TNFSF13B: variants seen among roughly 807,000 people sequenced by gnomAD.
The protein encoded by TNFSF13B is tumor necrosis factor ligand superfamily member 13B.
In TNFSF13B, 8 loss-of-function variants were observed where a neutral mutation model predicts 29.1. The ratio of observed to expected loss-of-function variants is 0.27; its 90% CI spans 0.16 to 0.50. The LOEUF is 0.50. TNFSF13B is among the 20% of genes least tolerant of loss of function. The probability of loss-of-function intolerance (pLI) is 0.98; values close to 1 mark genes in which losing one functional copy is unlikely to be tolerated. For missense variants in TNFSF13B, 248 were observed against 334.9 expected (o/e 0.74, Z 2.03); for synonymous variants, 125 against 130.8 (o/e 0.96, Z 0.30).
chr13:108,291,368 A>G (rs1435777039), intron 3 of TNFSF13B, among the ~76,000 whole-genome samples: 1 of 151,838 alleles, frequency 6.6e-6, no homozygotes, highest in Non-Finnish European at 1.5e-5. Flanking sequence ...AGAACATGAT[A>G]TATATTTATA....
intron 3 of TNFSF13B, among the ~76,000 whole-genome samples, chr13:108,288,689 C>T (rs1359337273): frequency 6.6e-6 from 1 of 152,170 alleles, no homozygotes; most frequent in Non-Finnish European, 1.5e-5. Flanking sequence ...GAGCTTACCT[C>T]TTGATGAGGA....
At chr13:108,284,873 T>A (rs1881077772) in intron 2 of TNFSF13B, among the ~76,000 whole-genome samples, 1 of 152,222 alleles carries the variant, frequency 6.6e-6, no homozygotes, top group Non-Finnish European at 1.5e-5. Context: ...ACTACTGTAC[T>A]ACTATAGAGA....
At position 108,270,033 on chromosome 13, in the gene TNFSF13B, G is replaced by C; in HGVS notation, c.138G>C (p.Lys46Asn). 6.2e-7 allele frequency: 1 copy of C among 1,612,076 alleles called. No homozygotes were observed. Among genetic ancestry groups the C allele is most frequent in the Non-Finnish European group, 8.5e-7 (1 of 1,180,012 alleles). The change falls in exon 1 of 6, where the codon AAG becomes AAC. Residue 46 changes from lysine to asparagine, a missense_variant. Lys to Asn is a moderately conservative substitution (Grantham distance 94). Transcript: ENST00000375887. Reference sequence around the variant, plus strand: ...CTGTCCGATCCTCCAAAGACGGAAAGCTGCTGGCTGCAACCTTGCTGCTGG... The same window carrying C: ...CTGTCCGATCCTCCAAAGACGGAAACCTGCTGGCTGCAACCTTGCTGCTGG... ...SPSVRSSKDG[K>N]LLAATLLLAL...
intron 2 of TNFSF13B, among the ~76,000 whole-genome samples, chr13:108,283,313 CA>C (rs2139051032): frequency 6.6e-6 from 1 of 152,352 alleles, no homozygotes; most frequent in Admixed American, 6.5e-5. Flanking sequence ...GCAATTTCAC[CA>C]TTGTGCAAAC....
intron 3 of TNFSF13B, among the ~76,000 whole-genome samples, chr13:108,298,774 C>T (rs1881523467): frequency 6.9e-6 from 1 of 145,188 alleles, no homozygotes; most frequent in South Asian, 2.1e-4. Flanking sequence ...GAGTTTGAGA[C>T]CAGCCTGGCC....
At chr13:108,286,388 G>C (rs1041899786) in intron 2 of TNFSF13B, among the ~76,000 whole-genome samples, 4 of 151,950 alleles carry the variant, frequency 2.6e-5, no homozygotes, top group African/African-American at 9.7e-5. Context: ...GTCAGAAATA[G>C]TATTTTCTGT....
chr13:108,299,572 A>G (rs747525492), intron 3 of TNFSF13B, among the ~76,000 whole-genome samples: 7 of 151,984 alleles, frequency 4.6e-5, no homozygotes, highest in Non-Finnish European at 7.4e-5. Flanking sequence ...GGCCTGGTAG[A>G]GATGATTTTA....
rs1223461468 is a variant in TNFSF13B, at chr13:108,306,771, C to A, written c.746-55C>A. 9 of 1,022,764 alleles carry A rather than the reference C, an allele frequency of 8.8e-6. No homozygotes were observed. In the East Asian group the frequency reaches 1.1e-4, roughly 12 times the overall value. 63.4% of individuals were successfully genotyped at this position (1,022,764 alleles called of 1,614,324 possible). The stretch of plus-strand genomic sequence containing the variant: ...GAACAAAATAGTTTTATTTAAGATT[C>A]TTTTCTTTTCTGTTGTATAACCACT... On this transcript the variant is annotated intron_variant, in intron 5 of 5. Transcript: ENST00000375887.
At chr13:108,284,125 C>A (rs570201390) in intron 2 of TNFSF13B, among the ~76,000 whole-genome samples, 13 of 152,052 alleles carry the variant, frequency 8.5e-5, no homozygotes, top group African/African-American at 2.4e-4. Flanking sequence ...GTCAGGAGAT[C>A]GAGACCATCC....
chr13:108,281,800 C>G (rs549009363), intron 2 of TNFSF13B, among the ~76,000 whole-genome samples: 5 of 152,108 alleles, frequency 3.3e-5, no homozygotes, highest in Admixed American at 6.5e-5. Context: ...AACTAGCTTC[C>G]CTCCTCTAAA....
chr13:108,299,171 T>C (rs1478223190), intron 3 of TNFSF13B, among the ~76,000 whole-genome samples: 3 of 146,194 alleles, frequency 2.1e-5, no homozygotes, highest in Non-Finnish European at 4.6e-5. Flanking sequence ...ATAATCTCAA[T>C]GCCATTATGT....
At chr13:108,304,029 C>A (rs1881702999) in intron 5 of TNFSF13B, among the ~76,000 whole-genome samples, 1 of 152,194 alleles carries the variant, frequency 6.6e-6, no homozygotes, top group Admixed American at 6.5e-5. Flanking sequence ...TATATGCTTG[C>A]TTATTTAATC....
At chr13:108,299,893 G>C (rs1046926019) in intron 3 of TNFSF13B, among the ~76,000 whole-genome samples, 2 of 152,082 alleles carry the variant, frequency 1.3e-5, no homozygotes, top group Non-Finnish European at 2.9e-5. Flanking sequence ...TAAATAAAAT[G>C]TTAAGAGACA....
chr13:108,275,088 G>A (rs1880728428), intron 2 of TNFSF13B, among the ~76,000 whole-genome samples: 1 of 152,140 alleles, frequency 6.6e-6, no homozygotes, highest in African/African-American at 2.4e-5. Flanking sequence ...AAACAGAAAT[G>A]TGGGGAAATC....
intron 3 of TNFSF13B, among the ~76,000 whole-genome samples, chr13:108,288,808 T>C (rs993576578): frequency 7.2e-5 from 11 of 152,120 alleles, no homozygotes; most frequent in African/African-American, 2.4e-4. Flanking sequence ...AAGTTTTGTG[T>C]TGTGAACGAA....
At chr13:108,297,107 C>CT (rs770529743) in intron 3 of TNFSF13B, among the ~76,000 whole-genome samples, 1 of 145,044 alleles carries the variant, frequency 6.9e-6, no homozygotes, top group Non-Finnish European at 1.5e-5. Context: ...TTTCTATCTC[C>CT]TTTAGCATTT....
chr13:108,289,188 G>T (rs1032920979), intron 3 of TNFSF13B, among the ~76,000 whole-genome samples: 3 of 151,208 alleles, frequency 2.0e-5, no homozygotes, highest in Non-Finnish European at 4.4e-5. Flanking sequence ...GCTATAAATT[G>T]CACCAAATTA....
At chr13:108,283,795 C>T (rs1881033031) in intron 2 of TNFSF13B, among the ~76,000 whole-genome samples, 1 of 152,178 alleles carries the variant, frequency 6.6e-6, no homozygotes, top group South Asian at 2.1e-4. Context: ...GATGATGCCT[C>T]CTCACTGGGT....
chr13:108,307,009 A>T lies in TNFSF13B; in HGVS notation c.*71A>T. 2.2e-6 allele frequency: 1 copy of T among 450,490 alleles called. No homozygotes were observed. Among genetic ancestry groups the T allele is most frequent in the South Asian group, 2.7e-5 (1 of 36,570 alleles). 27.9% of individuals were successfully genotyped at this position (450,490 alleles called of 1,614,324 possible). A position where few individuals can be genotyped will look rare whatever the true frequency, so the allele number is the denominator to read the frequency against. On this transcript the variant is annotated 3_prime_UTR_variant, in exon 6 of 6. Coordinates refer to ENST00000375887, the MANE Select transcript of TNFSF13B (RefSeq NM_006573.5). The stretch of plus-strand genomic sequence containing the variant: ...CCTCTAAGAAGAAAGAATCTAACTG[A>T]AAATACCAAAAAAAAAAAAAAAAAA...
Sources: allele counts gnomAD v4.1 joint callset (sites outside exome capture counted in the v4.1 genomes callset), GRCh38; gene constraint gnomAD v4.1.1; transcripts MANE v1.5; gene names NCBI Gene and HGNC (gene_info 2026-07-23, HGNC 2026-07-21).